Variants in FBXW7 observed in about 807,000 individuals in gnomAD.
FBXW7 encodes F-box/WD repeat-containing protein 7.
In FBXW7, 11 loss-of-function variants were observed where a neutral mutation model predicts 86.3. The ratio of observed to expected loss-of-function variants is 0.13; its 90% confidence interval spans 0.08 to 0.21. The LOEUF (loss-of-function observed/expected upper bound fraction) is 0.21, where lower values mean the gene tolerates loss of function less well. FBXW7 is among the 10% of genes least tolerant of loss of function. The probability of loss-of-function intolerance (pLI) is 1.00; values close to 1 mark genes in which losing one functional copy is unlikely to be tolerated. For missense variants in FBXW7, 488 were observed against 847.4 expected, an observed-to-expected ratio of 0.58 and a Z score of 5.27; for synonymous variants, 313 against 297.9, an observed-to-expected ratio of 1.05 and a Z score of -0.52.
chr4:152,452,246 A>C (rs889543009), intron 2 of FBXW7, among the ~76,000 whole-genome samples: 4 of 152,216 alleles, frequency 2.6e-5, no homozygotes, highest in African/African-American at 9.6e-5. Context: ...GAGATAACCC[A>C]CATAAGTCAA....
At chr4:152,496,253 C>G (rs1037972123) in intron 2 of FBXW7, among the ~76,000 whole-genome samples, 11 of 152,174 alleles carry the variant, frequency 7.2e-5, no homozygotes, top group African/African-American at 2.6e-4. Flanking sequence ...CAGCAACTTG[C>G]TTCTTAGCAA....
intron 4 of FBXW7, among the ~76,000 whole-genome samples, chr4:152,360,559 G>A (rs960573533): frequency 6.6e-6 from 1 of 151,886 alleles, no homozygotes; most frequent in African/African-American, 2.4e-5. Context: ...TTCTACCCCA[G>A]CCCTTTCTCC....
intron 2 of FBXW7, among the ~76,000 whole-genome samples, chr4:152,446,930 G>GT (rs1372627715): frequency 6.6e-6 from 1 of 152,038 alleles, no homozygotes; most frequent in African/African-American, 2.4e-5. Flanking sequence ...TCACAGAAGG[G>GT]TTTTTTTCTT....
chr4:152,519,315 T>TAAAG (rs1251158666), intron 2 of FBXW7, among the ~76,000 whole-genome samples: 199 of 149,290 alleles, frequency 1.3e-3, no homozygotes, highest in African/African-American at 4.5e-3. Flanking sequence ...AATAAATAAA[T>TAAAG]AAATAAAGAA....
chr4:152,416,351 T>C lies in FBXW7; in HGVS notation c.-119-3822A>G, dbSNP rs905685159. Among the ~76,000 whole-genome samples, 23 of 152,326 alleles carry C rather than the reference T, an allele frequency of 1.5e-4. No homozygotes were observed. In the South Asian group the frequency reaches 2.5e-3, roughly 16 times the overall value. ...TCACTTGTAGTACTTTTGAAACTGGTAGGACATATATCCTAATATCTTAAC... is the reference window on the plus strand; with the variant it reads ...TCACTTGTAGTACTTTTGAAACTGGCAGGACATATATCCTAATATCTTAAC... On this transcript the variant is annotated intron_variant, in intron 2 of 13. Transcript: ENST00000281708.
intron 2 of FBXW7, among the ~76,000 whole-genome samples, chr4:152,435,508 C>G (rs973242459): frequency 8.5e-5 from 13 of 152,274 alleles, no homozygotes; most frequent in African/African-American, 3.1e-4. Flanking sequence ...CTCAATCTTT[C>G]TACACTGGAG....
chr4:152,521,677 T>C lies in FBXW7; in HGVS notation c.-120+13264A>G, dbSNP rs534910674. 7.2e-5 allele frequency among the ~76,000 whole-genome samples: 11 copies of C among 152,100 alleles called. No individual in the cohort carries two copies. In the East Asian group the frequency reaches 1.5e-3, roughly 21 times the overall value. On this transcript the variant is annotated intron_variant, in intron 2 of 13. Transcript: ENST00000281708. ...GGTGGAAGGAGCTCTGAAGGGTAGA[T>C]TGGATCTGGACTAGAAGGGATCCCA...
At chr4:152,532,878 G>A (rs1199530909) in intron 2 of FBXW7, among the ~76,000 whole-genome samples, 2 of 152,110 alleles carry the variant, frequency 1.3e-5, no homozygotes, top group Non-Finnish European at 2.9e-5. Flanking sequence ...ACCCAAACGT[G>A]CAATAAAACA....
chr4:152,352,868 C>T (rs770582289), intron 4 of FBXW7: 1 of 1,472,378 alleles, frequency 6.8e-7, no homozygotes, highest in African/African-American at 1.4e-5. Flanking sequence ...CAGATTACAT[C>T]TTCCCTTGAA....
chr4:152,355,974 C>A (rs180982962), intron 4 of FBXW7, among the ~76,000 whole-genome samples: 1 of 152,216 alleles, frequency 6.6e-6, no homozygotes, highest in Admixed American at 6.5e-5. Flanking sequence ...AGTGTATATA[C>A]AGTGAGAAAA....
intron 2 of FBXW7, among the ~76,000 whole-genome samples, chr4:152,517,687 A>G (rs1033143132): frequency 6.6e-6 from 1 of 152,220 alleles, no homozygotes; most frequent in African/African-American, 2.4e-5. Flanking sequence ...AGCTATCGTG[A>G]GGACTGGATG....
intron 2 of FBXW7, among the ~76,000 whole-genome samples, chr4:152,459,494 A>G (rs1742739330): frequency 6.6e-6 from 1 of 152,192 alleles, no homozygotes; most frequent in Non-Finnish European, 1.5e-5. Context: ...CTTTATAGAC[A>G]GCAATTAATT....
intron 2 of FBXW7, among the ~76,000 whole-genome samples, chr4:152,469,183 G>A (rs1487793049): frequency 6.6e-6 from 1 of 151,848 alleles, no homozygotes; most frequent in Admixed American, 6.6e-5. Flanking sequence ...ACAACCAAAA[G>A]CCTATACTAT....
chr4:152,522,791 T>A lies in FBXW7; in HGVS notation c.-120+12150A>T, dbSNP rs181221164. Among the ~76,000 whole-genome samples, 249 of 152,268 alleles carry A rather than the reference T, an allele frequency of 1.6e-3. 1 individual carries two copies. Among genetic ancestry groups the A allele is most frequent in the South Asian group, 3.1e-3 (15 of 4,824 alleles). On this transcript the variant is annotated intron_variant, in intron 2 of 13. Coordinates refer to ENST00000281708, the MANE Select transcript of FBXW7 (RefSeq NM_001349798.2). ...AACAAAGAAGTAACCATGAGGTGGG[T>A]AGATATCATTTTCCCCTCCTTACAG...
intron 2 of FBXW7, among the ~76,000 whole-genome samples, chr4:152,452,905 A>T (rs896715854): frequency 4.6e-5 from 7 of 152,220 alleles, no homozygotes; most frequent in African/African-American, 1.7e-4. Flanking sequence ...ATTACTGGCC[A>T]GGCGCAGTGG....
In FBXW7 at chr4:152,411,411, A is replaced by G. The variant is rs1737951721; in HGVS notation, c.393T>C (p.Ser131=). Residue 131 remains serine, a synonymous_variant, in exon 4 of 14, where the codon AGT becomes AGC. Transcript: ENST00000281708. ...ESDDFDQSDD[S]SREDEHTHTN... is the part of the protein sequence containing the mutation. ...TATGTGTATGTTCATCTTCTCTGCT[A>G]CTATCATCAGACTGATCAAAATCGT... 6.2e-7 allele frequency: 1 copy of G among 1,613,534 alleles called. No individual in the cohort carries two copies.
chr4:152,413,640 T>C (rs568205652), intron 2 of FBXW7, among the ~76,000 whole-genome samples: 1 of 152,256 alleles, frequency 6.6e-6, no homozygotes, highest in South Asian at 2.1e-4. Flanking sequence ...CTGCCTTCTT[T>C]TCCAAAACTC....
intron 12 of FBXW7, 66 bp downstream of exon 12, chr4:152,325,940 T>C: frequency 1.5e-6 from 2 of 1,334,530 alleles, no homozygotes; most frequent in South Asian, 1.2e-5. Flanking sequence ...TTGACAGTGA[T>C]TATCTGAGTA....
intron 2 of FBXW7, among the ~76,000 whole-genome samples, chr4:152,424,246 C>G (rs1010265777): frequency 6.6e-6 from 1 of 152,112 alleles, no homozygotes; most frequent in African/African-American, 2.4e-5. Context: ...TTTCTACCCC[C>G]ACAAGCAGCC....
Sources: allele counts gnomAD v4.1 joint callset (sites outside exome capture counted in the v4.1 genomes callset), GRCh38; gene constraint gnomAD v4.1.1; transcripts MANE v1.5; gene names NCBI Gene and HGNC (gene_info 2026-07-23, HGNC 2026-07-21).